LINGO2: variants seen among roughly 807,000 people sequenced by gnomAD.
LINGO2 encodes leucine-rich repeat and immunoglobulin-like domain-containing nogo receptor-interacting protein 2.
In LINGO2, 14 loss-of-function variants were observed where a neutral mutation model predicts 30.6. That is an observed-to-expected ratio of 0.46 (90% confidence interval 0.30 to 0.72). The LOEUF (loss-of-function observed/expected upper bound fraction) is 0.72. Among genes scored for constraint, LINGO2 ranks in the 30% least tolerant of loss-of-function variants. The probability of loss-of-function intolerance (pLI) is 0.07; values close to 1 mark genes in which losing one functional copy is unlikely to be tolerated. For missense variants in LINGO2, 729 were observed against 751.7 expected (o/e 0.97, Z 0.35); for synonymous variants, 317 against 288.5 (o/e 1.10, Z -1.00).
intron 1 of LINGO2, among the ~76,000 whole-genome samples, chr9:28,483,317 T>C (rs1826047788): frequency 6.6e-6 from 1 of 152,046 alleles, no homozygotes; most frequent in African/African-American, 2.4e-5. Context: ...TGGAAATAGC[T>C]CTTGGATCAA....
At chr9:29,196,600 T>A in the LINGO2 span, among the ~76,000 whole-genome samples, 1 of 152,004 alleles carries the variant, frequency 6.6e-6, no homozygotes, top group Admixed American at 6.6e-5. Flanking sequence ...TAAGTGAAGG[T>A]TGAGCACTCT....
intron 1 of LINGO2, among the ~76,000 whole-genome samples, chr9:28,642,312 A>G (rs1188928718): frequency 6.6e-6 from 1 of 152,116 alleles, no homozygotes; most frequent in Non-Finnish European, 1.5e-5. Context: ...AATTTTTAGA[A>G]TTGTGTTGGT....
chr9:28,007,878 T>C (rs1309488733), intron 5 of LINGO2, among the ~76,000 whole-genome samples: 1 of 152,196 alleles, frequency 6.6e-6, no homozygotes, highest in African/African-American at 2.4e-5. Context: ...GGCTTGGTTT[T>C]CTTTCCATTT....
chr9:28,968,361 G>C, the LINGO2 span, among the ~76,000 whole-genome samples: 4 of 152,104 alleles, frequency 2.6e-5, no homozygotes, highest in Non-Finnish European at 5.9e-5. Flanking sequence ...CAATGAACTA[G>C]GAGATGAAGA....
At chr9:28,246,328 G>A (rs1334812832) in intron 4 of LINGO2, among the ~76,000 whole-genome samples, 3 of 152,078 alleles carry the variant, frequency 2.0e-5, no homozygotes, top group Non-Finnish European at 4.4e-5. Flanking sequence ...GGAGGCTGAG[G>A]AAGGAGAATC....
chr9:28,001,260 C>T (rs943176875), intron 5 of LINGO2, among the ~76,000 whole-genome samples: 3 of 152,320 alleles, frequency 2.0e-5, no homozygotes, highest in South Asian at 4.1e-4. Context: ...CCTTGCCCCT[C>T]TTCCACATGC....
At chr9:28,307,086 A>G (rs1319501807) in intron 3 of LINGO2, among the ~76,000 whole-genome samples, 1 of 152,180 alleles carries the variant, frequency 6.6e-6, no homozygotes, top group African/African-American at 2.4e-5. Context: ...TTATGAGGCC[A>G]GCATCATTCT....
At chr9:29,160,974 A>C in the LINGO2 span, among the ~76,000 whole-genome samples, 1 of 152,258 alleles carries the variant, frequency 6.6e-6, no homozygotes, top group Non-Finnish European at 1.5e-5. Flanking sequence ...CACAGGGCTC[A>C]GTTCAGCATG....
chr9:29,015,640 G>A, the LINGO2 span, among the ~76,000 whole-genome samples: 1 of 152,084 alleles, frequency 6.6e-6, no homozygotes, highest in African/African-American at 2.4e-5. Flanking sequence ...ATAGTGAAGT[G>A]TTCTCTACCA....
chr9:28,029,281 C>A lies in LINGO2; in HGVS notation c.-86-16876G>T, dbSNP rs569317949. On this transcript the variant is annotated intron_variant, in intron 4 of 5. Coordinates refer to ENST00000379992, the Ensembl canonical transcript of LINGO2. ...AAATGCGAGGTCAGATCCACAGGAT[C>A]GTTTCTTGGGAGTGGGATCCAGGAA... Among the ~76,000 whole-genome samples the A allele has an allele frequency of 2.0e-5, 3 of 152,274 alleles. No homozygotes were observed. The South Asian group carries it at 6.2e-4, about 32-fold the overall frequency.
intron 4 of LINGO2, among the ~76,000 whole-genome samples, chr9:28,264,312 G>T (rs537989443): frequency 6.6e-6 from 1 of 151,880 alleles, no homozygotes; most frequent in African/African-American, 2.4e-5. Context: ...GGAAAAAAGG[G>T]GGTACAATTG....
chr9:28,909,660 T>A, the LINGO2 span, among the ~76,000 whole-genome samples: 1 of 152,040 alleles, frequency 6.6e-6, no homozygotes, highest in Non-Finnish European at 1.5e-5. Flanking sequence ...TTCAGTCTCA[T>A]ACAGTTAATT....
chr9:28,562,338 C>T (rs190626751), intron 1 of LINGO2, among the ~76,000 whole-genome samples: 2 of 150,852 alleles, frequency 1.3e-5, no homozygotes, highest in Admixed American at 6.6e-5. Context: ...CTTTCCTGAC[C>T]GCCAGTTTCA....
the LINGO2 span, among the ~76,000 whole-genome samples, chr9:28,839,155 CTT>C: frequency 3.9e-5 from 6 of 152,218 alleles, no homozygotes; most frequent in African/African-American, 1.4e-4. Context: ...CTCTTTCTCC[CTT>C]CTTTCCTTTT....
the LINGO2 span, among the ~76,000 whole-genome samples, chr9:28,926,447 G>C: frequency 2.0e-5 from 3 of 152,124 alleles, no homozygotes; most frequent in South Asian, 2.1e-4. Context: ...ACATTAAGAG[G>C]CTACTCCATC....
intron 2 of LINGO2, among the ~76,000 whole-genome samples, chr9:28,469,210 G>A (rs1360281455): frequency 6.7e-6 from 1 of 149,094 alleles, no homozygotes; most frequent in Non-Finnish European, 1.5e-5. Flanking sequence ...AACAAGCAAA[G>A]AAAAGAATCA....
At chr9:28,657,967 A>AT (rs2094465272) in intron 1 of LINGO2, among the ~76,000 whole-genome samples, 2 of 151,840 alleles carry the variant, frequency 1.3e-5, no homozygotes, top group African/African-American at 4.8e-5. Flanking sequence ...TACTCTTGAG[A>AT]TATTTTTTCC....
intron 1 of LINGO2, among the ~76,000 whole-genome samples, chr9:28,507,605 T>C (rs576469790): frequency 1.1e-4 from 16 of 152,278 alleles, no homozygotes; most frequent in Middle Eastern, 6.8e-3. Flanking sequence ...AAAAGGACTA[T>C]ATATAAGGTA....
chr9:28,405,697 T>C (rs1822477040), intron 2 of LINGO2, among the ~76,000 whole-genome samples: 2 of 152,178 alleles, frequency 1.3e-5, no homozygotes, highest in Non-Finnish European at 1.5e-5. Context: ...GTTTTAGAAG[T>C]GGTTGTTTTT....
Sources: allele counts gnomAD v4.1 joint callset (sites outside exome capture counted in the v4.1 genomes callset), GRCh38; gene constraint gnomAD v4.1.1; transcripts MANE v1.5; gene names NCBI Gene and HGNC (gene_info 2026-07-23, HGNC 2026-07-21).